The following ELMO1 variants were observed in gnomAD, a reference collection of about 807,000 sequenced individuals.
ELMO1 encodes engulfment and cell motility 1.
In ELMO1, 26 loss-of-function variants were observed where a neutral mutation model predicts 98.9. The ratio of observed to expected loss-of-function variants is 0.26; its 90% CI spans 0.19 to 0.36. The LOEUF is 0.36. Among genes scored for constraint, ELMO1 ranks in the 10% least tolerant of loss-of-function variants. The pLI is 1.00. For synonymous variants in ELMO1, 346 were observed against 346.0 expected (o/e 1.00, Z 0.00); for missense variants, 627 against 935.2 (o/e 0.67, Z 4.30).
At chr7:36,890,704 C>G (rs2129052891) in intron 17 of ELMO1, among the ~76,000 whole-genome samples, 1 of 152,264 alleles carries the variant, frequency 6.6e-6, no homozygotes, top group South Asian at 2.1e-4. Flanking sequence ...CATTTGATTT[C>G]CCTGCTTCCA....
At chr7:37,099,873 C>T (rs1392324116) in intron 14 of ELMO1, among the ~76,000 whole-genome samples, 3 of 150,442 alleles carry the variant, frequency 2.0e-5, no homozygotes, top group Non-Finnish European at 1.5e-5. Context: ...ACTCTTGTTG[C>T]CCAGGCTGGA....
chr7:37,320,640 C>T (rs144691163), intron 2 of ELMO1, among the ~76,000 whole-genome samples: 310 of 152,260 alleles, frequency 2.0e-3, no homozygotes, highest in Non-Finnish European at 3.5e-3. Flanking sequence ...GAGGACTCTA[C>T]ATATCTATCT....
chr7:37,111,250 C>T (rs1462055045), intron 14 of ELMO1, among the ~76,000 whole-genome samples: 2 of 152,196 alleles, frequency 1.3e-5, no homozygotes, highest in African/African-American at 4.8e-5. Context: ...ATGACTCACC[C>T]ATTGAAAAGA....
intron 15 of ELMO1, among the ~76,000 whole-genome samples, chr7:37,071,134 G>A (rs919143986): frequency 2.0e-5 from 3 of 152,078 alleles, no homozygotes; most frequent in Non-Finnish European, 2.9e-5. Flanking sequence ...ATCAAAAAAG[G>A]GTAAGTTTTA....
At chr7:37,434,339 G>A (rs1168046050) in intron 1 of ELMO1, among the ~76,000 whole-genome samples, 3 of 152,132 alleles carry the variant, frequency 2.0e-5, no homozygotes, top group African/African-American at 7.2e-5. Context: ...TGTTTCCTGG[G>A]TCCCCAGTGA....
intron 1 of ELMO1, among the ~76,000 whole-genome samples, chr7:37,444,586 C>T (rs1479787912): frequency 3.3e-5 from 5 of 152,094 alleles, no homozygotes; most frequent in Non-Finnish European, 5.9e-5. Context: ...AATCTCAGCT[C>T]ACTGTAAGCT....
chr7:37,390,855 C>T (rs1311379705), intron 1 of ELMO1, among the ~76,000 whole-genome samples: 1 of 152,230 alleles, frequency 6.6e-6, no homozygotes, highest in African/African-American at 2.4e-5. Flanking sequence ...TTATAGACAA[C>T]TGCCAGGGCA....
chr7:37,343,042 T>C (rs1022212256), intron 1 of ELMO1: 1 of 246,700 alleles, frequency 4.1e-6, no homozygotes, highest in African/African-American at 2.3e-5. Context: ...GAAAGAAAGC[T>C]GTTCCTTACC....
intron 13 of ELMO1, among the ~76,000 whole-genome samples, chr7:37,168,650 C>T (rs1237153672): frequency 2.0e-5 from 3 of 152,270 alleles, no homozygotes; most frequent in Admixed American, 6.5e-5. Context: ...TGCAGAACAG[C>T]GGTTTTTCGT....
At chr7:37,009,737 A>G (rs577657461) in intron 16 of ELMO1, among the ~76,000 whole-genome samples, 231 of 152,372 alleles carry the variant, frequency 1.5e-3, no homozygotes, top group African/African-American at 5.5e-3. Flanking sequence ...TACAGTGGCA[A>G]GAACCTGAGA....
intron 13 of ELMO1, among the ~76,000 whole-genome samples, chr7:37,182,253 G>A (rs900439264): frequency 4.6e-5 from 7 of 152,186 alleles, no homozygotes; most frequent in African/African-American, 1.4e-4. Context: ...TGGTAACATC[G>A]GTAGAGTTTT....
chr7:37,194,424 T>G (rs547445925), intron 13 of ELMO1, among the ~76,000 whole-genome samples: 2 of 152,336 alleles, frequency 1.3e-5, no homozygotes, highest in African/African-American at 2.4e-5. Context: ...ACCTTTTCTT[T>G]CACATTTGTT....
chr7:37,295,123 T>C (rs1282099889), intron 4 of ELMO1, among the ~76,000 whole-genome samples: 2 of 152,196 alleles, frequency 1.3e-5, no homozygotes, highest in Non-Finnish European at 2.9e-5. Flanking sequence ...ATATTATTCA[T>C]AAGCACATAC....
chr7:37,268,121 A>C (rs1002724307), intron 5 of ELMO1, among the ~76,000 whole-genome samples: 10 of 152,252 alleles, frequency 6.6e-5, no homozygotes, highest in Admixed American at 3.9e-4. Flanking sequence ...AACAATAGCC[A>C]AAGCTGATTT....
At chr7:37,409,465 G>A (rs1169656619) in intron 1 of ELMO1, among the ~76,000 whole-genome samples, 5 of 152,178 alleles carry the variant, frequency 3.3e-5, no homozygotes, top group African/African-American at 7.2e-5. Flanking sequence ...GGGCAGGGTT[G>A]GGTAAGTATG....
chr7:36,910,375 A>G (rs1323494997), intron 16 of ELMO1, among the ~76,000 whole-genome samples: 1 of 152,218 alleles, frequency 6.6e-6, no homozygotes, highest in Non-Finnish European at 1.5e-5. Context: ...GACCACTTCC[A>G]TTTCAAGGTG....
At chr7:37,139,989 G>C (rs1227140051) in intron 13 of ELMO1, among the ~76,000 whole-genome samples, 1 of 152,080 alleles carries the variant, frequency 6.6e-6, no homozygotes, top group African/African-American at 2.4e-5. Context: ...TTCAACAAAT[G>C]GTGTTGGGAT....
intron 16 of ELMO1, among the ~76,000 whole-genome samples, chr7:36,915,153 G>A (rs145822521): frequency 3.3e-5 from 5 of 152,000 alleles, no homozygotes; most frequent in Admixed American, 6.6e-5. Flanking sequence ...TCTTGAACTC[G>A]TGGCTTCAAG....
intron 14 of ELMO1, among the ~76,000 whole-genome samples, chr7:37,121,400 C>T (rs902532280): frequency 6.6e-6 from 1 of 152,114 alleles, no homozygotes; most frequent in African/African-American, 2.4e-5. Flanking sequence ...AAATGGCTAA[C>T]CAGAATAACC....
Sources: allele counts gnomAD v4.1 joint callset (sites outside exome capture counted in the v4.1 genomes callset), GRCh38; gene constraint gnomAD v4.1.1; transcripts MANE v1.5; gene names NCBI Gene and HGNC (gene_info 2026-07-23, HGNC 2026-07-21).